AKR1E2: variants seen among roughly 807,000 people sequenced by gnomAD.
The protein encoded by AKR1E2 is 1,5-anhydro-D-fructose reductase.
Under a neutral mutation model 41.9 loss-of-function variants are expected in AKR1E2, and 43 were observed. The observed-to-expected ratio is 1.03, with a 90% CI of 0.80 to 1.32. The LOEUF (loss-of-function observed/expected upper bound fraction) is 1.32. Ranked by LOEUF, AKR1E2 falls within the 40% of genes most tolerant of loss-of-function variation. The pLI, the probability that AKR1E2 is intolerant of heterozygous loss-of-function variation, is 0.00. For synonymous variants in AKR1E2, 121 were observed against 138.9 expected (o/e 0.87, Z 0.91); for missense variants, 423 against 396.5 (o/e 1.07, Z -0.57).
At chr10:4,834,434 A>T (rs4881353) in intron 3 of AKR1E2, among the ~76,000 whole-genome samples, 63,959 of 152,144 alleles carry the variant, frequency 0.42, 15,052 homozygotes, top group East Asian at 0.68. Context: ...AACCAGAGTG[A>T]TGTCTGTGCC....
At chr10:4,834,669 A>T (rs1340849474) in intron 3 of AKR1E2, among the ~76,000 whole-genome samples, 1 of 152,252 alleles carries the variant, frequency 6.6e-6, no homozygotes, top group Non-Finnish European at 1.5e-5. Flanking sequence ...GGTTTAAGTT[A>T]GATTATTGGA....
intron 5 of AKR1E2, among the ~76,000 whole-genome samples, chr10:4,839,111 G>A (rs775253563): frequency 6.6e-6 from 1 of 152,184 alleles, no homozygotes; most frequent in Admixed American, 6.5e-5. Flanking sequence ...AGAGTTTGGA[G>A]AATGTGCAAG....
chr10:4,865,516 T>G, the AKR1E2 span, among the ~76,000 whole-genome samples: 1 of 152,084 alleles, frequency 6.6e-6, no homozygotes, highest in African/African-American at 2.4e-5. Flanking sequence ...AGAAGAAAAT[T>G]CCAAAAGCCA....
At chr10:4,866,826 C>G in the AKR1E2 span, among the ~76,000 whole-genome samples, 1 of 151,792 alleles carries the variant, frequency 6.6e-6, no homozygotes. Flanking sequence ...TCAAAGCTGC[C>G]TTCTTGTGCT....
At chr10:4,840,173 G>C (rs2961589) in intron 6 of AKR1E2, among the ~76,000 whole-genome samples, 31,456 of 151,962 alleles carry the variant, frequency 0.21, 3,466 homozygotes, top group Middle Eastern at 0.34. Context: ...GGTTGGATGA[G>C]GCAAAGCCTG....
At position 4,847,672 on chromosome 10, in the gene AKR1E2, C is replaced by G. The variant is rs554043610; in HGVS notation, c.*142C>G. On this transcript the variant is annotated 3_prime_UTR_variant, in exon 10 of 10. Coordinates refer to ENST00000298375, the MANE Select transcript of AKR1E2 (RefSeq NM_001040177.3). ...AGTCAGAGGGGGATGTAAGAGCCAC[C>G]TTCTCTGACAAATCTGGAGAATTGA... 1.5e-5 allele frequency: 14 copies of G among 909,010 alleles called. No homozygotes were observed. The African/African-American group carries it at 2.2e-4, about 14-fold the overall frequency. 56.3% of individuals were successfully genotyped at this position (909,010 alleles called of 1,614,324 possible).
chr10:4,850,171 G>A (rs192110694), downstream of AKR1E2, among the ~76,000 whole-genome samples: 1 of 152,254 alleles, frequency 6.6e-6, no homozygotes, highest in East Asian at 1.9e-4. Flanking sequence ...TTCTGTGTAA[G>A]TTCTTCCCCA....
At chr10:4,830,150 C>G (rs753503664) in intron 1 of AKR1E2, among the ~76,000 whole-genome samples, 1 of 152,208 alleles carries the variant, frequency 6.6e-6, no homozygotes, top group Non-Finnish European at 1.5e-5. Flanking sequence ...ATAGTCTTCC[C>G]TAGTTCTAGT....
the AKR1E2 span, among the ~76,000 whole-genome samples, chr10:4,866,756 G>T: frequency 6.6e-6 from 1 of 151,600 alleles, no homozygotes; most frequent in African/African-American, 2.4e-5. Flanking sequence ...ATAACTTGGC[G>T]GGTGGGGGGA....
Position 4,826,474 on chromosome 10 carries a change from C to G in AKR1E2, c.39+111C>G, listed in dbSNP as rs1398101962. ...GGGAGAAGTGCGGCGGCCTCCCCTCCGCCTGGCCGACGCCCGGGAAAGGCG... is the reference window on the plus strand; with the variant it reads ...GGGAGAAGTGCGGCGGCCTCCCCTCGGCCTGGCCGACGCCCGGGAAAGGCG... On this transcript the variant is annotated intron_variant, in intron 1 of 9. Coordinates refer to ENST00000298375, the MANE Select transcript of AKR1E2 (RefSeq NM_001040177.3). 2.9e-6 allele frequency: 3 copies of G among 1,021,798 alleles called. No homozygotes were observed. In the African/African-American group the frequency reaches 5.0e-5, roughly 17 times the overall value. The allele number at this position is 1,021,798 out of a possible 1,614,324, so 63.3% of individuals were successfully genotyped here. A position where few individuals can be genotyped will look rare whatever the true frequency, so the allele number is the denominator to read the frequency against.
Position 4,835,825 on chromosome 10 carries a change from C to T in AKR1E2, c.459+16C>T, listed in dbSNP as rs1833368217. ...CACGTGGGAGGTGAGCTGAGCCACA[C>T]CACCAGGCAGCCTCATCCTGTGTGG... On this transcript the variant is annotated intron_variant, in intron 4 of 9. Coordinates refer to ENST00000298375, the MANE Select transcript of AKR1E2 (RefSeq NM_001040177.3). The T allele has an allele frequency of 1.2e-6, 2 of 1,612,858 alleles. No individual in the cohort carries two copies. The highest frequency in any genetic ancestry group is 1.1e-5 in the South Asian group (1 of 91,018).
chr10:4,845,473 ACC>A (rs1834263844), intron 8 of AKR1E2, among the ~76,000 whole-genome samples: 3 of 25,878 alleles, frequency 1.2e-4, no homozygotes, highest in African/African-American at 1.9e-4. Context: ...GCATGCTGTC[ACC>A]CCTCAATGGG....
upstream of AKR1E2, among the ~76,000 whole-genome samples, chr10:4,825,833 G>T (rs1222334934): frequency 1.3e-5 from 2 of 152,222 alleles, no homozygotes; most frequent in Non-Finnish European, 2.9e-5. Flanking sequence ...GAACGGTGAA[G>T]ACTCTCTGCC....
chr10:4,860,850 C>T, the AKR1E2 span, among the ~76,000 whole-genome samples: 2 of 152,086 alleles, frequency 1.3e-5, no homozygotes, highest in African/African-American at 4.8e-5. Context: ...CCTTGGGATT[C>T]TACATTCAGT....
Position 4,837,495 on chromosome 10 carries a change from A to C in AKR1E2, c.496A>C (p.Asn166His). ...EDLVITGLVK[N>H]IGVSNFNHEQ... ...CCTGGTGATCACCGGGCTGGTGAAG[A>C]ACATCGGGGTGTCAAACTTCAACCA... Residue 166 changes from asparagine to histidine, a missense_variant, in exon 5 of 10, where the codon AAC becomes CAC. Coordinates refer to ENST00000298375, the MANE Select transcript of AKR1E2 (RefSeq NM_001040177.3). 1.2e-6 allele frequency: 2 copies of C among 1,614,180 alleles called. No individual in the cohort carries two copies. The highest frequency in any genetic ancestry group is 1.7e-6 in the Non-Finnish European group (2 of 1,180,030).
At chr10:4,841,378 C>T (rs764489120) in intron 6 of AKR1E2, among the ~76,000 whole-genome samples, 10 of 152,142 alleles carry the variant, frequency 6.6e-5, no homozygotes, top group Non-Finnish European at 1.5e-4. Flanking sequence ...GTATTTTGGG[C>T]GAACTTTTCT....
chr10:4,841,246 A>G (rs973905462), intron 6 of AKR1E2, among the ~76,000 whole-genome samples: 3 of 152,088 alleles, frequency 2.0e-5, no homozygotes, highest in Non-Finnish European at 4.4e-5. Flanking sequence ...TCGTTAAAAA[A>G]CTGAATCCTC....
chr10:4,869,408 TTC>T, the AKR1E2 span, among the ~76,000 whole-genome samples: 5 of 152,092 alleles, frequency 3.3e-5, no homozygotes, highest in Non-Finnish European at 5.9e-5. Flanking sequence ...AGTCTATATC[TTC>T]TCTCTTTTTT....
At chr10:4,841,714 T>C in intron 6 of AKR1E2, 71 bp from the exon 7 acceptor site, 1 of 1,174,330 alleles carries the variant, frequency 8.5e-7, no homozygotes, top group Admixed American at 2.7e-5. Context: ...GGACAAAGAT[T>C]TCTTCTTTCT....
Sources: gnomAD v4.1 joint callset for allele counts (sites outside exome capture counted in the v4.1 genomes callset) on GRCh38, gnomAD v4.1.1 for gene constraint, MANE v1.5 for transcripts, NCBI Gene and HGNC (gene_info 2026-07-23, HGNC 2026-07-21) for gene names.